Variants in APMAP observed in about 807,000 individuals in gnomAD.
APMAP encodes the protein adipocyte plasma membrane associated protein.
APMAP carries 33 observed loss-of-function variants against 43.6 expected under a neutral mutation model. That is an observed-to-expected ratio of 0.76 (90% CI 0.57 to 1.01). The LOEUF (loss-of-function observed/expected upper bound fraction) is 1.01. APMAP is among the 50% of genes least tolerant of loss of function. APMAP has a pLI of 0.00. For missense variants in APMAP, 498 were observed against 540.7 expected (o/e 0.92, Z 0.78); for synonymous variants, 224 against 216.7 (o/e 1.03, Z -0.30).
rs1378064602 is a variant in APMAP, at chr20:24,962,948, T to C, written c.*865A>G. 6.6e-6 allele frequency: 1 copy of C among 152,210 alleles called. No individual in the cohort carries two copies. The highest frequency in any genetic ancestry group is 1.5e-5 in the Non-Finnish European group (1 of 68,030). 9.4% of individuals were successfully genotyped at this position (152,210 alleles called of 1,614,324 possible). A position where few individuals can be genotyped will look rare whatever the true frequency, so the allele number is the denominator to read the frequency against. The stretch of plus-strand genomic sequence containing the variant: ...AAAAAGGTTAATCAGCAGAAGTCGA[T>C]TTATCGTTATTTATTATCAAAATCA... On this transcript the variant is annotated 3_prime_UTR_variant, in exon 9 of 9. Transcript: ENST00000217456.
chr20:24,970,913 GC>G (rs1293254723), intron 5 of APMAP, among the ~76,000 whole-genome samples: 1 of 152,136 alleles, frequency 6.6e-6, no homozygotes, highest in East Asian at 1.9e-4. Context: ...AGAGTGGAAT[GC>G]CCCCAAGCAG....
intron 8 of APMAP, among the ~76,000 whole-genome samples, chr20:24,965,098 C>T (rs1480160743): frequency 6.6e-6 from 1 of 152,238 alleles, no homozygotes. Context: ...TGCTAAGTTT[C>T]TCACTGTCTG....
intron 3 of APMAP, among the ~76,000 whole-genome samples, chr20:24,975,201 A>G (rs2122504285): frequency 6.6e-6 from 1 of 152,332 alleles, no homozygotes; most frequent in Non-Finnish European, 1.5e-5. Context: ...TGAAAAGGAA[A>G]CAAAAGGTAT....
intron 7 of APMAP, among the ~76,000 whole-genome samples, 165 bp from the exon 8 acceptor site, chr20:24,969,249 G>A (rs1458242020): frequency 6.6e-6 from 1 of 152,136 alleles, no homozygotes; most frequent in African/African-American, 2.4e-5. Context: ...TTGTGCACAG[G>A]GCCCAGTATG....
In APMAP at chr20:24,963,176, G is replaced by A. The variant is rs41282320; in HGVS notation, c.*637C>T. ...CATCCAATTCCAGCATGGTCAGCAC[G>A]GAGATATTCACAGAAAGAAACCCAG... On this transcript the variant is annotated 3_prime_UTR_variant, in exon 9 of 9. Transcript: ENST00000217456. The A allele has an allele frequency of 3.4e-3, 513 of 152,746 alleles. No homozygotes were observed. Among genetic ancestry groups the A allele is most frequent in the African/African-American group, 7.3e-3 (302 of 41,556 alleles). 9.5% of individuals were successfully genotyped at this position (152,746 alleles called of 1,614,324 possible).
At chr20:24,970,637 C>A (rs1037229142) in intron 5 of APMAP, among the ~76,000 whole-genome samples, 1 of 152,176 alleles carries the variant, frequency 6.6e-6, no homozygotes, top group Non-Finnish European at 1.5e-5. Flanking sequence ...ACATCTACTG[C>A]AAGTGTTAGG....
At chr20:24,969,200 AC>A in intron 7 of APMAP, 116 bp from the exon 8 acceptor site, 1 of 1,082,220 alleles carries the variant, frequency 9.2e-7, no homozygotes, top group Non-Finnish European at 1.3e-6. Flanking sequence ...GTGCTCTATG[AC>A]CATCATGAAC....
chr20:24,981,400 C>T (rs1209879933), intron 2 of APMAP, among the ~76,000 whole-genome samples: 4 of 152,086 alleles, frequency 2.6e-5, no homozygotes, highest in African/African-American at 9.7e-5. Context: ...GAGAAGTGAC[C>T]CACTGTGACC....
rs1388600962 is a variant in APMAP, at chr20:24,966,694, G to A, written c.1041+2198C>T. On this transcript the variant is annotated intron_variant, in intron 8 of 8. Transcript: ENST00000217456. ...GCTGAATATCCCCCAGACTGAAGGAGATTAAACAGCTGACAACTAAACACC... is the reference window on the plus strand; with the variant it reads ...GCTGAATATCCCCCAGACTGAAGGAAATTAAACAGCTGACAACTAAACACC... Among the ~76,000 whole-genome samples the A allele has an allele frequency of 4.6e-5, 7 of 152,356 alleles. No homozygotes were observed. In the East Asian group the frequency reaches 1.3e-3, roughly 29 times the overall value.
intron 2 of APMAP, among the ~76,000 whole-genome samples, chr20:24,979,580 G>A (rs1409030573): frequency 6.6e-6 from 1 of 152,044 alleles, no homozygotes; most frequent in Non-Finnish European, 1.5e-5. Context: ...AGACACCATT[G>A]AACCCGTCTC....
chr20:24,983,442 A>T (rs1244149539), intron 2 of APMAP, among the ~76,000 whole-genome samples: 1 of 152,212 alleles, frequency 6.6e-6, no homozygotes, highest in Non-Finnish European at 1.5e-5. Flanking sequence ...GGCTTTACAT[A>T]TACAATAGTT....
At chr20:24,985,834 A>G (rs2088142598) in intron 1 of APMAP, among the ~76,000 whole-genome samples, 1 of 117,240 alleles carries the variant, frequency 8.5e-6, no homozygotes, top group African/African-American at 4.0e-5. Flanking sequence ...CATAGCAGGA[A>G]AAAAAACCAT....
chr20:24,983,885 G>A lies in APMAP; in HGVS notation c.212+18C>T, dbSNP rs2088125055. ...ATTTTGTCAAGCAACCCCTCCTGAG[G>A]ACTGCGGGGCAGCCTACCTGAGAGG... On this transcript the variant is annotated intron_variant, in intron 2 of 8. Coordinates refer to ENST00000217456, the MANE Select transcript of APMAP (RefSeq NM_020531.3). The A allele has an allele frequency of 7.1e-6, 11 of 1,557,034 alleles. No individual in the cohort carries two copies. Among genetic ancestry groups the A allele is most frequent in the Non-Finnish European group, 7.9e-6 (9 of 1,132,212 alleles).
intron 5 of APMAP, among the ~76,000 whole-genome samples, chr20:24,970,941 A>C (rs918812510): frequency 6.6e-6 from 1 of 152,172 alleles, no homozygotes; most frequent in Non-Finnish European, 1.5e-5. Flanking sequence ...TGCAGGGCCT[A>C]TGTTCGGGCC....
Position 24,963,657 on chromosome 20 carries a change from G to A in APMAP, c.*156C>T, listed in dbSNP as rs1216871092. ...GCCCAGGTGGGGCCCGGGCATCCTC[G>A]AGGAATGAAGCAGCCATTCCCACCA... On this transcript the variant is annotated 3_prime_UTR_variant, in exon 9 of 9. Coordinates refer to ENST00000217456, the MANE Select transcript of APMAP (RefSeq NM_020531.3). The A allele has an allele frequency of 3.4e-5, 26 of 772,722 alleles. 1 individual carries two copies. In the South Asian group the frequency reaches 4.1e-4, roughly 12 times the overall value. 47.9% of individuals were successfully genotyped at this position (772,722 alleles called of 1,614,324 possible). A position where few individuals can be genotyped will look rare whatever the true frequency, so the allele number is the denominator to read the frequency against.
rs2087917511 is a variant in APMAP at position 24,963,720 on chromosome 20, C to T, written c.*93G>A. Reference sequence around the variant, plus strand: ...TAACAGGTGCATGTGGACACTTGAACCACGACTGTGTCCACAGCTCCTCCT... The same window carrying T: ...TAACAGGTGCATGTGGACACTTGAATCACGACTGTGTCCACAGCTCCTCCT... On this transcript the variant is annotated 3_prime_UTR_variant, in exon 9 of 9. Coordinates refer to ENST00000217456, the MANE Select transcript of APMAP (RefSeq NM_020531.3). 1 of 1,331,624 alleles carries T rather than the reference C, an allele frequency of 7.5e-7. No homozygotes were observed. The highest frequency in any genetic ancestry group is 1.1e-6 in the Non-Finnish European group (1 of 945,808). The allele number at this position is 1,331,624 out of a possible 1,614,324, so 82.5% of individuals were successfully genotyped here. A position where few individuals can be genotyped will look rare whatever the true frequency, so the allele number is the denominator to read the frequency against.
In APMAP at chr20:24,980,532, T is replaced by A. The variant is rs1460890170; in HGVS notation, c.213-1650A>T. Among the ~76,000 whole-genome samples the A allele has an allele frequency of 6.2e-5, 9 of 146,272 alleles. No homozygotes were observed. The East Asian group carries it at 1.2e-3, about 20-fold the overall frequency. On this transcript the variant is annotated intron_variant, in intron 2 of 8. Coordinates refer to ENST00000217456, the MANE Select transcript of APMAP (RefSeq NM_020531.3). ...CACGCTGGGCAGCGCGGGGCCACCA[T>A]GGTCAAGAGGCTATGCCACGATGAC...
rs1417191320 is a variant in APMAP at position 24,988,394 on chromosome 20, T to C, written c.95+4200A>G. On this transcript the variant is annotated intron_variant, in intron 1 of 8. Coordinates refer to ENST00000217456, the MANE Select transcript of APMAP (RefSeq NM_020531.3). ...AATACCTGGTTGCCCCTTCACACAA[T>C]AGTTAGAGGCTCAATTATGTCCCAA... Among the ~76,000 whole-genome samples, 9 of 152,302 alleles carry C rather than the reference T, an allele frequency of 5.9e-5. No homozygotes were observed. The East Asian group carries it at 1.5e-3, about 26-fold the overall frequency.
rs754035209 is a variant in APMAP at position 24,978,738 on chromosome 20, G to GC, written c.328+28dup. 5,496 of 1,308,180 alleles carry GC rather than the reference G, an allele frequency of 4.2e-3. 75 individuals are homozygous for GC. Among genetic ancestry groups the GC allele is most frequent in the South Asian group, 0.027 (2,224 of 82,996 alleles). The allele number at this position is 1,308,180 out of a possible 1,614,324, so 81.0% of individuals were successfully genotyped here. A position where few individuals can be genotyped will look rare whatever the true frequency, so the allele number is the denominator to read the frequency against. On this transcript the variant is annotated intron_variant, in intron 3 of 8. Transcript: ENST00000217456. ...CCTCAGACAACAGACAGCCTGGAAG[G>GC]CTCCCCCCCCACCCAAGCTTAGACT...
Sources: gnomAD v4.1 joint callset for allele counts (sites outside exome capture counted in the v4.1 genomes callset) on GRCh38, gnomAD v4.1.1 for gene constraint, MANE v1.5 for transcripts, NCBI Gene and HGNC (gene_info 2026-07-23, HGNC 2026-07-21) for gene names.